Variants in IL1RAPL1 observed in about 807,000 individuals in gnomAD.
The protein encoded by IL1RAPL1 is interleukin 1 receptor accessory protein like 1, also known as interleukin-1 receptor accessory protein-like 1.
Under a neutral mutation model 48.4 loss-of-function variants are expected in IL1RAPL1, and 3 were observed. The ratio of observed to expected loss-of-function variants is 0.06; its 90% CI spans 0.03 to 0.16. The LOEUF is 0.16. Among genes scored for constraint, IL1RAPL1 ranks in the 10% least tolerant of loss-of-function variants. The probability of loss-of-function intolerance (pLI) is 1.00; values close to 1 mark genes in which losing one functional copy is unlikely to be tolerated. For synonymous variants in IL1RAPL1, 185 were observed against 187.7 expected, an observed-to-expected ratio of 0.99 and a Z score of 0.12; for missense variants, 349 against 530.6, an observed-to-expected ratio of 0.66 and a Z score of 3.36.
chrX:28,857,018 C>T (rs1209177160), intron 2 of IL1RAPL1, among the ~76,000 whole-genome samples: 2 of 111,974 alleles, frequency 1.8e-5, no homozygotes, highest in African/African-American at 3.2e-5. Context: ...AAATGCTACT[C>T]AGTGAACACA....
intron 5 of IL1RAPL1, among the ~76,000 whole-genome samples, chrX:29,499,316 G>A (rs1195794877): frequency 3.6e-5 from 4 of 111,864 alleles, no homozygotes; most frequent in Non-Finnish European, 7.5e-5. Flanking sequence ...CAGTGTTAAC[G>A]GATTGAAAGG....
At chrX:29,149,416 A>G (rs1240040084) in intron 2 of IL1RAPL1, among the ~76,000 whole-genome samples, 1 of 111,476 alleles carries the variant, frequency 9.0e-6, no homozygotes, top group Non-Finnish European at 1.9e-5. Context: ...TTTTCCAAAG[A>G]AATACAGAGT....
chrX:28,989,250 T>C (rs1201673377), intron 2 of IL1RAPL1, among the ~76,000 whole-genome samples: 1 of 112,562 alleles, frequency 8.9e-6, no homozygotes, highest in Non-Finnish European at 1.9e-5. Context: ...ACTGTGTCTA[T>C]GGCTGTATCT....
At chrX:29,059,281 A>G (rs1927291210) in intron 2 of IL1RAPL1, among the ~76,000 whole-genome samples, 1 of 111,993 alleles carries the variant, frequency 8.9e-6, no homozygotes, top group African/African-American at 3.2e-5. Flanking sequence ...GACTGCAAAG[A>G]TAACAGAATT....
At chrX:28,988,729 C>T (rs1414165679) in intron 2 of IL1RAPL1, among the ~76,000 whole-genome samples, 4 of 111,736 alleles carry the variant, frequency 3.6e-5, no homozygotes, top group Non-Finnish European at 7.5e-5. Flanking sequence ...ACATAATCAT[C>T]GTGGAACATC....
intron 6 of IL1RAPL1, among the ~76,000 whole-genome samples, chrX:29,713,795 T>C (rs1432394404): frequency 8.9e-6 from 1 of 112,304 alleles, no homozygotes; most frequent in African/African-American, 3.2e-5. Context: ...AGTAGTAATA[T>C]ATTGACTAAC....
chrX:29,342,088 T>C (rs1004097210), intron 3 of IL1RAPL1, among the ~76,000 whole-genome samples: 10 of 108,601 alleles, frequency 9.2e-5, no homozygotes, highest in African/African-American at 3.3e-4. Flanking sequence ...ATTACAGGCG[T>C]GAGCCACTGC....
At chrX:28,759,552 C>G (rs1936142933) in intron 1 of IL1RAPL1, among the ~76,000 whole-genome samples, 1 of 111,562 alleles carries the variant, frequency 9.0e-6, no homozygotes, top group African/African-American at 3.3e-5. Flanking sequence ...AGGATCCCGA[C>G]TCATTATTCT....
chrX:29,101,508 C>T (rs1477623472), intron 2 of IL1RAPL1, among the ~76,000 whole-genome samples: 1 of 111,246 alleles, frequency 9.0e-6, no homozygotes, highest in East Asian at 2.8e-4. Flanking sequence ...TCTACGAGGC[C>T]AGTATTACCC....
chrX:29,367,588 ATT>A (rs1377621864), intron 3 of IL1RAPL1, among the ~76,000 whole-genome samples: 1 of 106,531 alleles, frequency 9.4e-6, no homozygotes, highest in Non-Finnish European at 1.9e-5. Context: ...TTATTTATTT[ATT>A]TATTTATTGA....
intron 2 of IL1RAPL1, among the ~76,000 whole-genome samples, chrX:28,893,880 G>A (rs946114948): frequency 1.2e-4 from 13 of 111,590 alleles, no homozygotes; most frequent in Admixed American, 8.5e-4. Flanking sequence ...GAGATTGATA[G>A]GTGGAAGTTT....
chrX:28,698,216 T>A (rs1177005253), intron 1 of IL1RAPL1, among the ~76,000 whole-genome samples: 1 of 111,108 alleles, frequency 9.0e-6, no homozygotes, highest in Non-Finnish European at 1.9e-5. Flanking sequence ...TGAATTATGG[T>A]GATGGGACAG....
intron 2 of IL1RAPL1, among the ~76,000 whole-genome samples, chrX:29,083,693 C>T (rs900670833): frequency 9.0e-6 from 1 of 111,533 alleles, no homozygotes; most frequent in Non-Finnish European, 1.9e-5. Context: ...TAAATCATTC[C>T]TAATAGTCTT....
rs751277890 is a variant in IL1RAPL1 at position 29,225,245 on chromosome X, T to G, written c.83-57693T>G. Among the ~76,000 whole-genome samples the G allele has an allele frequency of 2.7e-5, 3 of 112,574 alleles. No individual in the cohort carries two copies. In the South Asian group the frequency reaches 1.1e-3, roughly 41 times the overall value. On this transcript the variant is annotated intron_variant, in intron 2 of 10. Transcript: ENST00000378993. ...CAAATAATTGAAATAGGAATATTTT[T>G]ATTATTATGTCATTAAACTAGCTGG...
rs763779741 is a variant in IL1RAPL1 at position 29,480,243 on chromosome X, TAGAC to T, written c.703+80938_703+80941del. ...ATATTTACTTTTGGGGGCAATAAAT[TAGAC>T]AGTTTATTAATTGAAGCATGATATA... On this transcript the variant is annotated intron_variant, in intron 5 of 10. Coordinates refer to ENST00000378993, the MANE Select transcript of IL1RAPL1 (RefSeq NM_014271.4). 4.5e-3 allele frequency among the ~76,000 whole-genome samples: 467 copies of T among 104,012 alleles called. 3 individuals carry two copies. Among genetic ancestry groups the T allele is most frequent in the African/African-American group, 0.016 (434 of 27,954 alleles). 90.3% of individuals were successfully genotyped at this position (104,012 alleles called of 115,157 possible). A position where few individuals can be genotyped will look rare whatever the true frequency, so the allele number is the denominator to read the frequency against.
At chrX:29,748,222 G>C (rs1928379827) in intron 6 of IL1RAPL1, among the ~76,000 whole-genome samples, 1 of 111,675 alleles carries the variant, frequency 9.0e-6, no homozygotes, top group South Asian at 3.7e-4. Context: ...AGACATCATT[G>C]ATGGCAACTA....
At chrX:29,587,875 G>A (rs1375752339) in intron 5 of IL1RAPL1, among the ~76,000 whole-genome samples, 1 of 111,971 alleles carries the variant, frequency 8.9e-6, no homozygotes, top group Non-Finnish European at 1.9e-5. Flanking sequence ...ACTGTCGAAT[G>A]CCAAATTATA....
At chrX:29,548,227 C>G (rs927018768) in intron 5 of IL1RAPL1, among the ~76,000 whole-genome samples, 4 of 112,407 alleles carry the variant, frequency 3.6e-5, no homozygotes, top group African/African-American at 9.7e-5. Flanking sequence ...TTTTATTTCT[C>G]GTATTATGCT....
At chrX:28,954,874 T>C (rs1241761833) in intron 2 of IL1RAPL1, among the ~76,000 whole-genome samples, 2 of 111,747 alleles carry the variant, frequency 1.8e-5, no homozygotes, top group Non-Finnish European at 3.8e-5. Flanking sequence ...CTATTCTCCT[T>C]TCCTCATTTA....
Sources: allele counts gnomAD v4.1 joint callset (sites outside exome capture counted in the v4.1 genomes callset), GRCh38; gene constraint gnomAD v4.1.1; transcripts MANE v1.5; gene names NCBI Gene and HGNC (gene_info 2026-07-23, HGNC 2026-07-21).